Variants in BANK1 observed in about 807,000 individuals in gnomAD.
BANK1 encodes B-cell scaffold protein with ankyrin repeats.
BANK1 carries 95 observed loss-of-function variants against 94.5 expected under a neutral mutation model. That is an observed-to-expected ratio of 1.00 (90% CI 0.85 to 1.19). BANK1 has a LOEUF of 1.19. Among genes scored for constraint, BANK1 ranks in the 50% most tolerant of loss-of-function variants. BANK1 has a pLI of 0.00. For synonymous variants in BANK1, 334 were observed against 308.4 expected (o/e 1.08, Z -0.87); for missense variants, 987 against 932.2 (o/e 1.06, Z -0.77).
chr4:101,852,470 CTATA>C (rs541955636), intron 2 of BANK1, among the ~76,000 whole-genome samples: 1,500 of 103,740 alleles, frequency 0.014, 31 homozygotes, highest in African/African-American at 0.048. Flanking sequence ...TATTTTTCGG[CTATA>C]TATATATATA....
In BANK1 at chr4:102,063,082, T is replaced by G; in HGVS notation, c.2156T>G (p.Leu719Ter). 6.8e-6 allele frequency: 11 copies of G among 1,613,426 alleles called. No homozygotes were observed. The highest frequency in any genetic ancestry group is 9.3e-6 in the Non-Finnish European group (11 of 1,179,550). ...SGLEMIQQEK[L>*]RQLRDCIIGK... ...GGTTGTTTCCACATTAAGGAGAAAT[T>G]ACGACAACTACGAGACTGCATTATT... Residue 719 changes from leucine to a stop codon, truncating the protein, a stop_gained, in exon 13 of 17, where the codon TTA (leucine) becomes TGA (stop). Transcript: ENST00000322953. LOFTEE classifies it high-confidence loss of function.
chr4:102,032,304 C>T (rs1289228757), intron 10 of BANK1: 1 of 152,138 alleles, frequency 6.6e-6, no homozygotes, highest in Non-Finnish European at 1.5e-5. Context: ...TCTTCCCATC[C>T]TTCTATTGAT....
intron 8 of BANK1, among the ~76,000 whole-genome samples, chr4:102,022,223 AT>A (rs1726936970): frequency 1.3e-5 from 2 of 152,064 alleles, no homozygotes; most frequent in South Asian, 4.1e-4. Flanking sequence ...CACATCCAAC[AT>A]TTTTGAAAGT....
intron 2 of BANK1, among the ~76,000 whole-genome samples, chr4:101,846,745 C>G (rs1378387455): frequency 1.3e-5 from 2 of 152,084 alleles, no homozygotes; most frequent in Non-Finnish European, 2.9e-5. Flanking sequence ...GGAAACCACC[C>G]CCGTGATCTA....
intron 7 of BANK1, among the ~76,000 whole-genome samples, chr4:101,922,493 A>G (rs1052126135): frequency 6.6e-6 from 1 of 151,790 alleles, no homozygotes; most frequent in African/African-American, 2.4e-5. Flanking sequence ...GGTGCTCAGC[A>G]TGTATTTTTC....
At chr4:101,839,213 T>C (rs1164836654) in intron 2 of BANK1, among the ~76,000 whole-genome samples, 3 of 152,200 alleles carry the variant, frequency 2.0e-5, no homozygotes, top group Non-Finnish European at 4.4e-5. Flanking sequence ...TATTCTCATA[T>C]GTTGAGAGAG....
intron 1 of BANK1, among the ~76,000 whole-genome samples, chr4:101,817,943 A>G (rs1007280109): frequency 1.3e-5 from 2 of 151,898 alleles, no homozygotes; most frequent in Non-Finnish European, 2.9e-5. Context: ...AAGATTGGAT[A>G]CCCCTGCTAT....
intron 1 of BANK1, among the ~76,000 whole-genome samples, chr4:101,816,073 T>C (rs1004794209): frequency 6.6e-6 from 1 of 152,206 alleles, no homozygotes; most frequent in Non-Finnish European, 1.5e-5. Context: ...TGAGTTTTCT[T>C]ACAACCATAT....
intron 5 of BANK1, among the ~76,000 whole-genome samples, chr4:101,878,908 T>C (rs1728582305): frequency 6.6e-6 from 1 of 151,856 alleles, no homozygotes; most frequent in African/African-American, 2.4e-5. Context: ...AAACAAATGA[T>C]ATGGCAGTAC....
At chr4:101,884,995 G>A (rs1173046233) in intron 5 of BANK1, among the ~76,000 whole-genome samples, 2 of 152,122 alleles carry the variant, frequency 1.3e-5, no homozygotes, top group African/African-American at 2.4e-5. Context: ...TGCAACCTCC[G>A]CGCCCTCTCC....
intron 14 of BANK1, 86 bp downstream of exon 14, chr4:102,071,390 G>A: frequency 1.5e-6 from 2 of 1,296,914 alleles, no homozygotes; most frequent in Non-Finnish European, 2.2e-6. Context: ...AACCTAATGT[G>A]ATTAAGCAAG....
chr4:101,928,631 T>C (rs556435906), intron 7 of BANK1, among the ~76,000 whole-genome samples: 2 of 151,834 alleles, frequency 1.3e-5, no homozygotes, highest in African/African-American at 4.8e-5. Flanking sequence ...TTAATCCATT[T>C]CCTTAATGAG....
chr4:101,952,114 A>G (rs1254608737), intron 7 of BANK1, among the ~76,000 whole-genome samples: 1 of 152,150 alleles, frequency 6.6e-6, no homozygotes, highest in Non-Finnish European at 1.5e-5. Flanking sequence ...GAAATAAATG[A>G]AGTATTAGAG....
chr4:102,049,811 G>A (rs1445599845), intron 11 of BANK1, among the ~76,000 whole-genome samples: 2 of 152,196 alleles, frequency 1.3e-5, no homozygotes, highest in Admixed American at 1.3e-4. Context: ...GGGCAAGTGG[G>A]CGCAAGCATG....
intron 3 of BANK1, among the ~76,000 whole-genome samples, chr4:101,859,661 C>T (rs1157308174): frequency 6.6e-6 from 1 of 152,118 alleles, no homozygotes. Context: ...AGTGCTTACT[C>T]CCGGGAGTTG....
intron 1 of BANK1, among the ~76,000 whole-genome samples, chr4:101,803,997 C>CAAAAAAAAAAAAAAA (rs55704915): frequency 2.9e-4 from 20 of 68,386 alleles, no homozygotes; most frequent in African/African-American, 4.0e-4. Context: ...GACTCCGTCT[C>CAAAAAAAAAAAAAAA]AAAAAAAAAA....
At chr4:101,913,935 A>G (rs1266482100) in intron 6 of BANK1, among the ~76,000 whole-genome samples, 2 of 152,210 alleles carry the variant, frequency 1.3e-5, no homozygotes, top group African/African-American at 4.8e-5. Context: ...ATGACAGAAT[A>G]TTGACATTCT....
chr4:101,937,772 A>G (rs1203800667), intron 7 of BANK1, among the ~76,000 whole-genome samples: 3 of 151,930 alleles, frequency 2.0e-5, no homozygotes, highest in Non-Finnish European at 4.4e-5. Flanking sequence ...TCATTCTACT[A>G]TGAAGACACA....
intron 7 of BANK1, among the ~76,000 whole-genome samples, chr4:101,973,985 A>C (rs1725043265): frequency 6.6e-6 from 1 of 152,112 alleles, no homozygotes; most frequent in Admixed American, 6.6e-5. Flanking sequence ...GGTTTTAACA[A>C]CATAGCTTTT....
Sources: allele counts gnomAD v4.1 joint callset (sites outside exome capture counted in the v4.1 genomes callset), GRCh38; gene constraint gnomAD v4.1.1; transcripts MANE v1.5; gene names NCBI Gene and HGNC (gene_info 2026-07-23, HGNC 2026-07-21).